Variants in MYT1L observed in about 807,000 individuals in gnomAD.
MYT1L encodes the protein myelin transcription factor 1-like protein.
MYT1L carries 12 observed loss-of-function variants against 126.7 expected under a neutral mutation model. That is an observed-to-expected ratio of 0.09 (90% CI 0.06 to 0.15). MYT1L has a LOEUF of 0.15. MYT1L is among the 10% of genes least tolerant of loss of function. MYT1L has a pLI of 1.00. For synonymous variants in MYT1L, 541 were observed against 604.2 expected (o/e 0.90, Z 1.53); for missense variants, 979 against 1,585.2 (o/e 0.62, Z 6.49).
At chr2:1,890,701 A>G (rs1472323409) in intron 15 of MYT1L, among the ~76,000 whole-genome samples, 2 of 152,058 alleles carry the variant, frequency 1.3e-5, no homozygotes, top group Non-Finnish European at 2.9e-5. Flanking sequence ...CCAAAGAGTG[A>G]CACTCTCCTT....
At chr2:2,016,422 A>T (rs112252992) in intron 4 of MYT1L, among the ~76,000 whole-genome samples, 1 of 152,208 alleles carries the variant, frequency 6.6e-6, no homozygotes, top group Admixed American at 6.5e-5. Flanking sequence ...GCCCTTTGGA[A>T]TTTAAGATGG....
intron 8 of MYT1L, among the ~76,000 whole-genome samples, chr2:1,973,913 G>T (rs963384072): frequency 8.5e-5 from 13 of 152,170 alleles, no homozygotes; most frequent in African/African-American, 2.9e-4. Context: ...ATCTCCACGG[G>T]GCCTTCCCAG....
intron 9 of MYT1L, among the ~76,000 whole-genome samples, chr2:1,937,302 G>A (rs1558462399): frequency 6.6e-6 from 1 of 152,340 alleles, no homozygotes; most frequent in Admixed American, 6.5e-5. Context: ...CCTAACGTCC[G>A]CGGCCATCAG....
chr2:2,323,517 A>T (rs929403458), intron 1 of MYT1L, among the ~76,000 whole-genome samples: 1 of 152,216 alleles, frequency 6.6e-6, no homozygotes, highest in African/African-American at 2.4e-5. Flanking sequence ...AGAACTATTT[A>T]TCAGTGAATT....
chr2:1,990,693 G>C (rs2061385981), intron 5 of MYT1L, among the ~76,000 whole-genome samples: 1 of 152,180 alleles, frequency 6.6e-6, no homozygotes, highest in East Asian at 1.9e-4. Context: ...GCCAAAGAAG[G>C]GAGCGGCTTG....
At chr2:2,229,595 C>CT (rs987493693) in intron 2 of MYT1L, among the ~76,000 whole-genome samples, 65 of 143,772 alleles carry the variant, frequency 4.5e-4, no homozygotes, top group African/African-American at 1.4e-3. Flanking sequence ...GTGGAGATTT[C>CT]TTTTTTTTTC....
At chr2:2,170,630 T>A (rs2089903010) in intron 3 of MYT1L, among the ~76,000 whole-genome samples, 1 of 152,274 alleles carries the variant, frequency 6.6e-6, no homozygotes, top group South Asian at 2.1e-4. Context: ...CATTCTATAA[T>A]GCTAAATCTA....
intron 23 of MYT1L, among the ~76,000 whole-genome samples, chr2:1,794,977 G>A (rs940687143): frequency 6.6e-6 from 1 of 152,216 alleles, no homozygotes; most frequent in African/African-American, 2.4e-5. Flanking sequence ...AACCAGAACC[G>A]ACGGGTATCT....
intron 2 of MYT1L, among the ~76,000 whole-genome samples, chr2:2,279,394 GAGA>G (rs753430186): frequency 3.3e-5 from 5 of 151,086 alleles, no homozygotes; most frequent in South Asian, 2.1e-4. Context: ...GAGGAAGAAG[GAGA>G]AGAAGAAGAG....
At chr2:2,209,821 A>G (rs1486225863) in intron 2 of MYT1L, among the ~76,000 whole-genome samples, 1 of 152,088 alleles carries the variant, frequency 6.6e-6, no homozygotes, top group Non-Finnish European at 1.5e-5. Context: ...CAGCTGTGAG[A>G]TTGCTGGATC....
At chr2:2,007,050 T>C (rs1157188484) in intron 4 of MYT1L, among the ~76,000 whole-genome samples, 2 of 152,034 alleles carry the variant, frequency 1.3e-5, no homozygotes, top group Non-Finnish European at 2.9e-5. Context: ...TGAAGATATA[T>C]ATATATATAT....
chr2:2,232,121 C>A (rs2149068696), intron 2 of MYT1L, among the ~76,000 whole-genome samples: 1 of 152,314 alleles, frequency 6.6e-6, no homozygotes, highest in South Asian at 2.1e-4. Flanking sequence ...ATGTAACTTG[C>A]TGATTACTGA....
At chr2:1,997,894 T>C (rs2062009302) in intron 4 of MYT1L, among the ~76,000 whole-genome samples, 1 of 152,214 alleles carries the variant, frequency 6.6e-6, no homozygotes, top group Non-Finnish European at 1.5e-5. Context: ...CATTATGTCA[T>C]TTGGCCATCA....
chr2:2,212,463 A>G (rs1284260998), intron 2 of MYT1L, among the ~76,000 whole-genome samples: 1 of 152,184 alleles, frequency 6.6e-6, no homozygotes, highest in Non-Finnish European at 1.5e-5. Flanking sequence ...ATGTAACACA[A>G]TATTCATAAT....
rs776058221 is a variant in MYT1L, at chr2:2,188,449, TAGG to T, written c.-420-15464_-420-15462del. ...ACCAGCAGGCACACGCTCACGCCGA[TAGG>T]AGCCGTGCACAAGCGTGTGCAGTGC... On this transcript the variant is annotated intron_variant, in intron 2 of 24. Coordinates refer to ENST00000647738, the MANE Select transcript of MYT1L (RefSeq NM_001303052.2). 1.1e-4 allele frequency among the ~76,000 whole-genome samples: 17 copies of T among 152,322 alleles called. No homozygotes were observed. The East Asian group carries it at 2.3e-3, about 21-fold the overall frequency.
chr2:1,943,054 C>T lies in MYT1L; in HGVS notation c.433G>A (p.Asp145Asn). Residue 145 changes from aspartate to asparagine, a missense_variant, in exon 9 of 25, where the codon GAT becomes AAT. Asp to Asn is a conservative substitution (Grantham distance 23, BLOSUM62 1). Transcript: ENST00000647738. This position sits in a 1 kb window ranked among gnomAD's most constrained non-coding sequence, Gnocchi z 4.4. ...TCTTCATCCTCCACATCTTCTCCATCCTCGTCATCGTCCTCATCCTCCTCC... is the reference window on the plus strand; with the variant it reads ...TCTTCATCCTCCACATCTTCTCCATTCTCGTCATCGTCCTCATCCTCCTCC... Reference protein sequence around the residue: ...IEEEDEDDDEDGEDVEDEEEE... With the variant: ...IEEEDEDDDENGEDVEDEEEE... 6.7e-7 allele frequency: 1 copy of T among 1,485,956 alleles called. No individual in the cohort carries two copies. Among genetic ancestry groups the T allele is most frequent in the Non-Finnish European group, 9.2e-7 (1 of 1,087,146 alleles). 92.0% of individuals were successfully genotyped at this position (1,485,956 alleles called of 1,614,324 possible).
rs114406576 is a variant in MYT1L, at chr2:2,213,026, C to A, written c.-420-40038G>T. ...GGACTTTATTCTCATCAACCAGAGA[C>A]TTTGGGATGGAAGAACTGAAACAGA... On this transcript the variant is annotated intron_variant, in intron 2 of 24. Coordinates refer to ENST00000647738, the MANE Select transcript of MYT1L (RefSeq NM_001303052.2). Among the ~76,000 whole-genome samples the A allele has an allele frequency of 2.9e-3, 437 of 152,198 alleles. 2 individuals carry two copies. Among genetic ancestry groups the A allele is most frequent in the Admixed American group, 4.6e-3 (70 of 15,276 alleles).
chr2:1,892,403 C>G, intron 14 of MYT1L, 116 bp from the exon 15 acceptor site: 1 of 1,399,290 alleles, frequency 7.1e-7, no homozygotes, highest in Non-Finnish European at 9.5e-7. Flanking sequence ...TGGGACGGCC[C>G]TCAGGGTGCT....
chr2:1,905,600 C>T (rs577072515), intron 13 of MYT1L, among the ~76,000 whole-genome samples: 1 of 152,080 alleles, frequency 6.6e-6, no homozygotes, highest in Non-Finnish European at 1.5e-5. Context: ...GTGATCCACC[C>T]GCCTCGGCCT....
Sources: gnomAD v4.1 joint callset for allele counts (sites outside exome capture counted in the v4.1 genomes callset) on GRCh38, gnomAD v4.1.1 for gene constraint, Gnocchi (gnomAD v3.1) non-coding constraint, MANE v1.5 for transcripts, NCBI Gene and HGNC (gene_info 2026-07-23, HGNC 2026-07-21) for gene names.